POLR3H: variants seen among roughly 807,000 people sequenced by gnomAD.
The protein encoded by POLR3H is DNA-directed RNA polymerase III subunit RPC8.
POLR3H carries 17 observed loss-of-function variants against 25.5 expected under a neutral mutation model. The observed-to-expected ratio is 0.67, with a 90% CI of 0.46 to 1.00. The LOEUF (loss-of-function observed/expected upper bound fraction) is 1.00, where lower values mean the gene tolerates loss of function less well. POLR3H is among the 50% of genes least tolerant of loss of function. POLR3H has a pLI of 0.00. For missense variants in POLR3H, 274 were observed against 265.0 expected, an observed-to-expected ratio of 1.03 and a Z score of -0.24; for synonymous variants, 129 against 103.0, an observed-to-expected ratio of 1.25 and a Z score of -1.53.
chr22:41,535,337 G>T (rs1440837450), intron 2 of POLR3H, among the ~76,000 whole-genome samples: 2 of 152,208 alleles, frequency 1.3e-5, no homozygotes, highest in African/African-American at 4.8e-5. Context: ...TGTATGCTTT[G>T]AAAGGGTGAA....
chr22:41,532,867 GC>G, intron 2 of POLR3H, 122 bp from the exon 3 acceptor site: 1 of 1,025,964 alleles, frequency 9.7e-7, no homozygotes, highest in Non-Finnish European at 1.4e-6. Flanking sequence ...CCCCCTGCAA[GC>G]CTAGACCCTC....
At position 41,532,088 on chromosome 22, in the gene POLR3H, G is replaced by A. The variant is rs1388781379; in HGVS notation, c.359+6C>T. 1.2e-6 allele frequency: 2 copies of A among 1,613,752 alleles called. No homozygotes were observed. Among genetic ancestry groups the A allele is most frequent in the Non-Finnish European group, 1.7e-6 (2 of 1,179,654 alleles). On this transcript the variant is annotated splice_donor_region_variant and intron_variant, in intron 4 of 5. Transcript: ENST00000355209. Reference sequence around the variant, plus strand: ...GTGACAAACCACTTTAACCCTTGGAGGATACAACTTGGCTGGCTGCTGCAG... The same window carrying A: ...GTGACAAACCACTTTAACCCTTGGAAGATACAACTTGGCTGGCTGCTGCAG...
At position 41,544,156 on chromosome 22, in the gene POLR3H, G is replaced by A; in HGVS notation, c.-55C>T. ...GGAGGGTCAGTCACGCACCAGGGCC[G>A]GGGGCAGGGAGAATCCCCGAGCCCC... On this transcript the variant is annotated 5_prime_UTR_variant, in exon 1 of 6. Coordinates refer to ENST00000355209, the MANE Select transcript of POLR3H (RefSeq NM_001018050.4). The A allele has an allele frequency of 1.8e-6, 2 of 1,114,100 alleles. No homozygotes were observed. Among genetic ancestry groups the A allele is most frequent in the South Asian group, 2.7e-5 (2 of 74,116 alleles). The allele number at this position is 1,114,100 out of a possible 1,614,324, so 69.0% of individuals were successfully genotyped here.
chr22:41,527,435 G>A lies in POLR3H; in HGVS notation c.*1848C>T. 6.2e-7 allele frequency: 1 copy of A among 1,600,646 alleles called. No individual in the cohort carries two copies. Among genetic ancestry groups the A allele is most frequent in the Non-Finnish European group, 8.5e-7 (1 of 1,173,870 alleles). ...CAGGATCCACGGTGAGCTGGAGTCTGTACCCAGGCCATCCTCATCCCATCC... is the reference window on the plus strand; with the variant it reads ...CAGGATCCACGGTGAGCTGGAGTCTATACCCAGGCCATCCTCATCCCATCC... On this transcript the variant is annotated 3_prime_UTR_variant, in exon 6 of 6. Transcript: ENST00000355209.
At chr22:41,541,146 G>A (rs1177052401) in intron 1 of POLR3H, among the ~76,000 whole-genome samples, 2 of 152,310 alleles carry the variant, frequency 1.3e-5, no homozygotes, top group African/African-American at 4.8e-5. Context: ...GATAACAGAT[G>A]TGAAGCCCCT....
intron 2 of POLR3H, chr22:41,539,977 T>C (rs1346400657): frequency 6.1e-6 from 1 of 162,948 alleles, no homozygotes; most frequent in Non-Finnish European, 1.4e-5. Context: ...ATTAACTCCT[T>C]AATCCTCACA....
intron 2 of POLR3H, among the ~76,000 whole-genome samples, chr22:41,538,036 G>C (rs1434369376): frequency 6.7e-6 from 1 of 149,680 alleles, no homozygotes; most frequent in African/African-American, 2.5e-5. Context: ...CACAATCTCA[G>C]CTCACTGCAA....
chr22:41,530,269 T>C (rs915953228), intron 5 of POLR3H, among the ~76,000 whole-genome samples: 2 of 152,112 alleles, frequency 1.3e-5, no homozygotes, highest in Non-Finnish European at 2.9e-5. Flanking sequence ...CACGCCACCA[T>C]GCCCTGCTAA....
At chr22:41,529,793 T>A (rs2066687616) in intron 5 of POLR3H, 1 of 433,372 alleles carries the variant, frequency 2.3e-6, no homozygotes, top group Non-Finnish European at 4.6e-6. Context: ...TCTCGCACTG[T>A]CACCCGGGCT....
Position 41,530,895 on chromosome 22 carries a change from G to C in POLR3H, c.360-7C>G. 1 of 1,613,410 alleles carries C rather than the reference G, an allele frequency of 6.2e-7. No homozygotes were observed. Among genetic ancestry groups the C allele is most frequent in the Non-Finnish European group, 8.5e-7 (1 of 1,179,934 alleles). ...CACCTGCTCCGCTTCGTCGCTGAGG[G>C]GGTCCAGGGTCAAGGCAGCAACCAG... On this transcript the variant is annotated splice_region_variant and splice_polypyrimidine_tract_variant and intron_variant, in intron 4 of 5. Transcript: ENST00000355209.
At chr22:41,541,452 C>T (rs1324150095) in intron 1 of POLR3H, among the ~76,000 whole-genome samples, 1 of 152,218 alleles carries the variant, frequency 6.6e-6, no homozygotes, top group African/African-American at 2.4e-5. Flanking sequence ...GTGGTTCAAA[C>T]GACTGGCTAC....
Position 41,526,671 on chromosome 22 carries a change from G to A in POLR3H, c.*2612C>T. The A allele has an allele frequency of 1.9e-6, 1 of 518,360 alleles. No homozygotes were observed. Among genetic ancestry groups the A allele is most frequent in the Admixed American group, 3.3e-5 (1 of 30,106 alleles). The allele number at this position is 518,360 out of a possible 1,614,324, so 32.1% of individuals were successfully genotyped here. A position where few individuals can be genotyped will look rare whatever the true frequency, so the allele number is the denominator to read the frequency against. On this transcript the variant is annotated 3_prime_UTR_variant, in exon 6 of 6. Coordinates refer to ENST00000355209, the MANE Select transcript of POLR3H (RefSeq NM_001018050.4). ...GTACAGCCGGGTCCCTGCACCAGGA[G>A]GAGTTAGTGAGAGATATCTTAGGAT...
At position 41,528,414 on chromosome 22, in the gene POLR3H, CCCCCTGCGGGGCCAAGGG is replaced by C. The variant is rs2146157300; in HGVS notation, c.*851_*868del. 2.5e-6 allele frequency: 4 copies of C among 1,580,368 alleles called. No individual in the cohort carries two copies. The South Asian group carries it at 3.5e-5, about 14-fold the overall frequency. On this transcript the variant is annotated 3_prime_UTR_variant, in exon 6 of 6. Coordinates refer to ENST00000355209, the MANE Select transcript of POLR3H (RefSeq NM_001018050.4). ...CCAGGCAGTGCCCTGTCTCCCTGAC[CCCCCTGCGGGGCCAAGGG>C]CACACAGTACCCACCACTTCCACCC... is the stretch of plus-strand genomic sequence containing the variant.
chr22:41,544,232 G>C lies in POLR3H; in HGVS notation c.-131C>G. 4.9e-6 allele frequency: 3 copies of C among 614,588 alleles called. No homozygotes were observed. The highest frequency in any genetic ancestry group is 8.7e-6 in the Non-Finnish European group (3 of 344,360). The allele number at this position is 614,588 out of a possible 1,614,324, so 38.1% of individuals were successfully genotyped here. A position where few individuals can be genotyped will look rare whatever the true frequency, so the allele number is the denominator to read the frequency against. ...CCCCAGGCTGGCGGTGAGGTTGCAC[G>C]GGGCGGTCTCGGGGGCCCGGTCCGG... On this transcript the variant is annotated 5_prime_UTR_variant, in exon 1 of 6. Transcript: ENST00000355209.
At position 41,526,356 on chromosome 22, in the gene POLR3H, T is replaced by C. The variant is rs1010431041; in HGVS notation, c.*2927A>G. On this transcript the variant is annotated 3_prime_UTR_variant, in exon 6 of 6. Coordinates refer to ENST00000355209, the MANE Select transcript of POLR3H (RefSeq NM_001018050.4). ...GATAACATCTCCAACAACCTGCTCATTGGTGCCATCAACATTGAAAACGGC... is the reference window on the plus strand; with the variant it reads ...GATAACATCTCCAACAACCTGCTCACTGGTGCCATCAACATTGAAAACGGC... The C allele has an allele frequency of 1.2e-6, 2 of 1,613,542 alleles. No homozygotes were observed. The highest frequency in any genetic ancestry group is 2.7e-5 in the African/African-American group (2 of 74,940).
In POLR3H at chr22:41,528,169, G is replaced by A. The variant is rs748386529; in HGVS notation, c.*1114C>T. 8.6e-6 allele frequency: 11 copies of A among 1,282,474 alleles called. No individual in the cohort carries two copies. Among genetic ancestry groups the A allele is most frequent in the Admixed American group, 2.3e-5 (1 of 42,616 alleles). The allele number at this position is 1,282,474 out of a possible 1,614,324, so 79.4% of individuals were successfully genotyped here. A position where few individuals can be genotyped will look rare whatever the true frequency, so the allele number is the denominator to read the frequency against. On this transcript the variant is annotated 3_prime_UTR_variant, in exon 6 of 6. Coordinates refer to ENST00000355209, the MANE Select transcript of POLR3H (RefSeq NM_001018050.4). ...TTCTCCAGGTGGCCCCACAGAGAAA[G>A]CAAAGTGGCTTCTCAGAGTTGGGGG...
chr22:41,528,489 G>C lies in POLR3H; in HGVS notation c.*794C>G. The stretch of plus-strand genomic sequence containing the variant: ...ACCTTCTCCTTGCAGCCCCTGAAGT[G>C]CATCATCAAGCACCCCAACGGGACC... On this transcript the variant is annotated 3_prime_UTR_variant, in exon 6 of 6. Transcript: ENST00000355209. The C allele has an allele frequency of 6.2e-7, 1 of 1,612,216 alleles. No homozygotes were observed. Among genetic ancestry groups the C allele is most frequent in the Non-Finnish European group, 8.5e-7 (1 of 1,180,004 alleles).
intron 1 of POLR3H, among the ~76,000 whole-genome samples, chr22:41,541,311 C>A (rs1050065623): frequency 6.6e-6 from 1 of 152,204 alleles, no homozygotes; most frequent in Admixed American, 6.6e-5. Context: ...GTCACAGCCA[C>A]AGCTAAACCC....
intron 4 of POLR3H, 70 bp from the exon 5 acceptor site, chr22:41,530,958 C>T: frequency 2.7e-6 from 4 of 1,488,612 alleles, no homozygotes; most frequent in Non-Finnish European, 3.7e-6. Flanking sequence ...CACTCCCCGA[C>T]CCCGCAGGAA....
Sources: allele counts gnomAD v4.1 joint callset (sites outside exome capture counted in the v4.1 genomes callset), GRCh38; gene constraint gnomAD v4.1.1; transcripts MANE v1.5; gene names NCBI Gene and HGNC (gene_info 2026-07-23, HGNC 2026-07-21).